Variants in CLEC4A observed in about 807,000 individuals in gnomAD.
CLEC4A encodes the protein C-type (calcium dependent, carbohydrate-recognition domain) lectin, superfamily member 6.
CLEC4A carries 27 observed loss-of-function variants against 32.7 expected under a neutral mutation model. The observed-to-expected ratio is 0.83, with a 90% CI of 0.61 to 1.14. The LOEUF (loss-of-function observed/expected upper bound fraction) is 1.14. Ranked by LOEUF, CLEC4A falls within the 50% of genes most tolerant of loss-of-function variation. The pLI, the probability that CLEC4A is intolerant of heterozygous loss-of-function variation, is 0.00. For missense variants in CLEC4A, 253 were observed against 274.6 expected (o/e 0.92, Z 0.55); for synonymous variants, 89 against 93.7 (o/e 0.95, Z 0.29).
the CLEC4A span, among the ~76,000 whole-genome samples, chr12:8,113,807 T>C: frequency 1.3e-5 from 2 of 152,314 alleles, no homozygotes; most frequent in Non-Finnish European, 1.5e-5. Context: ...TGGTTACTGC[T>C]TTGGGCAACT....
chr12:8,138,182 C>T lies in CLEC4A; in HGVS notation c.609C>T (p.Cys203=), dbSNP rs749363716. ...PREPSDPNER[C]VVLNFRKSPK... is the part of the protein sequence containing the mutation. ...AGCCCAGTGATCCCAATGAGCGCTG[C>T]GTTGTGCTAAATTTTCGTAAATCAC... The change falls in exon 6 of 6, where the codon TGC becomes TGT. Residue 203 remains cysteine (C), a synonymous_variant. Transcript: ENST00000229332. 8.7e-6 allele frequency: 14 copies of T among 1,613,898 alleles called. No individual in the cohort carries two copies. Among genetic ancestry groups the T allele is most frequent in the South Asian group, 4.4e-5 (4 of 91,080 alleles).
At chr12:8,114,879 C>T in the CLEC4A span, among the ~76,000 whole-genome samples, 2 of 152,214 alleles carry the variant, frequency 1.3e-5, no homozygotes, top group African/African-American at 2.4e-5. Flanking sequence ...ACCTGTTGTC[C>T]CATGTTGCTA....
At chr12:8,137,709 T>C (rs868609798) in intron 5 of CLEC4A, among the ~76,000 whole-genome samples, 1 of 152,198 alleles carries the variant, frequency 6.6e-6, no homozygotes, top group African/African-American at 2.4e-5. Flanking sequence ...ATAACAAGGA[T>C]AAGTAGAAGA....
chr12:8,134,274 A>G, intron 3 of CLEC4A: 2 of 1,612,562 alleles, frequency 1.2e-6, no homozygotes. Context: ...ATGTTCTTGA[A>G]GCTAAGCTGC....
the CLEC4A span, among the ~76,000 whole-genome samples, chr12:8,111,884 CA>C: frequency 0.027 from 4,138 of 150,590 alleles, 202 homozygotes; most frequent in African/African-American, 0.097. Context: ...TTTTTAGACT[CA>C]GGGGGTACAT....
At chr12:8,114,333 C>T in the CLEC4A span, among the ~76,000 whole-genome samples, 1 of 152,112 alleles carries the variant, frequency 6.6e-6, no homozygotes, top group African/African-American at 2.4e-5. Flanking sequence ...CAAGCTCTGC[C>T]TCCCGGGTTC....
chr12:8,108,318 G>A, the CLEC4A span, among the ~76,000 whole-genome samples: 3 of 152,180 alleles, frequency 2.0e-5, no homozygotes, highest in Admixed American at 1.3e-4. Context: ...GGAACACCAG[G>A]TACCATGTAG....
chr12:8,132,803 G>A (rs1948021778), intron 3 of CLEC4A, among the ~76,000 whole-genome samples: 1 of 151,976 alleles, frequency 6.6e-6, no homozygotes, highest in South Asian at 2.1e-4. Flanking sequence ...TATACATTTT[G>A]CAGCTTTGTT....
chr12:8,109,253 C>A, the CLEC4A span, among the ~76,000 whole-genome samples: 1 of 152,020 alleles, frequency 6.6e-6, no homozygotes, highest in Non-Finnish European at 1.5e-5. Context: ...AAATGAAGTA[C>A]CAAATGATCC....
Position 8,138,507 on chromosome 12 carries a change from G to C in CLEC4A, c.*220G>C. On this transcript the variant is annotated 3_prime_UTR_variant, in exon 6 of 6. Coordinates refer to ENST00000229332, the MANE Select transcript of CLEC4A (RefSeq NM_016184.4). ...TTCATGTGCCAGAGCCTGTACTGGA[G>C]GCCCCCATTGTGCACACATGGAGAG... 1 of 486,940 alleles carries C rather than the reference G, an allele frequency of 2.1e-6. No individual in the cohort carries two copies. The highest frequency in any genetic ancestry group is 3.0e-5 in the South Asian group (1 of 33,314). The allele number at this position is 486,940 out of a possible 1,614,324, so 30.2% of individuals were successfully genotyped here. A position where few individuals can be genotyped will look rare whatever the true frequency, so the allele number is the denominator to read the frequency against.
chr12:8,117,241 T>G, the CLEC4A span, among the ~76,000 whole-genome samples: 4 of 152,064 alleles, frequency 2.6e-5, no homozygotes, highest in African/African-American at 7.2e-5. Flanking sequence ...TCTTTTTTTT[T>G]TTGTTTTTGT....
In CLEC4A at chr12:8,125,691, C is replaced by G; in HGVS notation, c.199+14C>G. The G allele has an allele frequency of 6.8e-7, 1 of 1,463,846 alleles. No individual in the cohort carries two copies. Among genetic ancestry groups the G allele is most frequent in the Non-Finnish European group, 9.6e-7 (1 of 1,043,554 alleles). 90.7% of individuals were successfully genotyped at this position (1,463,846 alleles called of 1,614,324 possible). ...TTGCTTTTGTCAGTAAGTATGCCAA[C>G]TGAACCAATAAGCAATATCTGCTGT... On this transcript the variant is annotated intron_variant, in intron 2 of 5. Transcript: ENST00000229332.
intron 5 of CLEC4A, among the ~76,000 whole-genome samples, chr12:8,137,862 C>A (rs1948151711): frequency 1.3e-5 from 2 of 152,088 alleles, no homozygotes; most frequent in African/African-American, 4.8e-5. Context: ...AGGAACAGGA[C>A]ATAAGGATGG....
In CLEC4A at chr12:8,138,332, T is replaced by C; in HGVS notation, c.*45T>C. 1 of 1,604,654 alleles carries C rather than the reference T, an allele frequency of 6.2e-7. No individual in the cohort carries two copies. Among genetic ancestry groups the C allele is most frequent in the East Asian group, 2.2e-5 (1 of 44,794 alleles). On this transcript the variant is annotated 3_prime_UTR_variant, in exon 6 of 6. Coordinates refer to ENST00000229332, the MANE Select transcript of CLEC4A (RefSeq NM_016184.4). ...CAGGTGGTTGGATTGGTATCTGTCA[T>C]TGTAGGGATAGATAATAAGCTCTTC...
intron 1 of CLEC4A, among the ~76,000 whole-genome samples, chr12:8,124,819 G>A (rs1947874454): frequency 6.6e-6 from 1 of 152,182 alleles, no homozygotes; most frequent in East Asian, 1.9e-4. Flanking sequence ...ACAGATATTT[G>A]AATTATAATT....
At chr12:8,118,331 T>C in the CLEC4A span, among the ~76,000 whole-genome samples, 3 of 151,890 alleles carry the variant, frequency 2.0e-5, no homozygotes, top group African/African-American at 7.3e-5. Flanking sequence ...TAAAAAAGAA[T>C]GAATTACTGA....
At position 8,135,027 on chromosome 12, in the gene CLEC4A, A is replaced by T. The variant is rs1311858539; in HGVS notation, c.299-558A>T. 3.5e-3 allele frequency among the ~76,000 whole-genome samples: 69 copies of T among 19,910 alleles called. 1 individual carries two copies. Among genetic ancestry groups the T allele is most frequent in the Non-Finnish European group, 5.6e-3 (45 of 8,056 alleles). 13.1% of individuals were successfully genotyped at this position (19,910 alleles called of 152,430 possible). ...GGCTGCTTTTAAATCTTTGTCAGATAATTCTAACAATTTTATTATCTTTTT... is the reference window on the plus strand; with the variant it reads ...GGCTGCTTTTAAATCTTTGTCAGATTATTCTAACAATTTTATTATCTTTTT... On this transcript the variant is annotated intron_variant, in intron 3 of 5. Coordinates refer to ENST00000229332, the MANE Select transcript of CLEC4A (RefSeq NM_016184.4).
At chr12:8,115,412 A>G in the CLEC4A span, among the ~76,000 whole-genome samples, 1 of 152,144 alleles carries the variant, frequency 6.6e-6, no homozygotes, top group Admixed American at 6.5e-5. Flanking sequence ...CATTTCTAAC[A>G]AGTTCCCAGG....
the CLEC4A span, among the ~76,000 whole-genome samples, chr12:8,117,882 G>A: frequency 5.9e-5 from 9 of 152,118 alleles, no homozygotes; most frequent in Non-Finnish European, 8.8e-5. Flanking sequence ...CATTACTTGC[G>A]TAAACCAAAA....
Sources: gnomAD v4.1 joint callset for allele counts (sites outside exome capture counted in the v4.1 genomes callset) on GRCh38, gnomAD v4.1.1 for gene constraint, MANE v1.5 for transcripts, NCBI Gene and HGNC (gene_info 2026-07-23, HGNC 2026-07-21) for gene names.